Variants in BOD1L1 observed in about 807,000 individuals in gnomAD.
BOD1L1 encodes biorientation of chromosomes in cell division protein 1-like 1.
Under a neutral mutation model 240.7 loss-of-function variants are expected in BOD1L1, and 86 were observed. The observed-to-expected ratio is 0.36, with a 90% CI of 0.30 to 0.43. The LOEUF is 0.43. Ranked by LOEUF, BOD1L1 falls within the 20% of genes least tolerant of loss-of-function variation. BOD1L1 has a pLI of 1.00. For synonymous variants in BOD1L1, 1,268 were observed against 1,272.3 expected, an observed-to-expected ratio of 1.00 and a Z score of 0.07; for missense variants, 3,554 against 3,643.5, an observed-to-expected ratio of 0.98 and a Z score of 0.63.
In BOD1L1 at chr4:13,576,969, T is replaced by C; in HGVS notation, c.8907A>G (p.Lys2969=). 6.2e-7 allele frequency: 1 copy of C among 1,613,804 alleles called. No homozygotes were observed. Among genetic ancestry groups the C allele is most frequent in the East Asian group, 2.2e-5 (1 of 44,894 alleles). ...DDAESSEPER[K]RQKSVSDPVE... ...CTGGATCAGAAACTGATTTCTGGCG[T>C]TTTCTTTCTGGCTCTGAGGATTCTG... Residue 2969 remains lysine (K), a synonymous_variant, in exon 25 of 26, where the codon AAA becomes AAG. Coordinates refer to ENST00000040738, the MANE Select transcript of BOD1L1 (RefSeq NM_148894.3).
intron 14 of BOD1L1, 51 bp downstream of exon 14, chr4:13,590,335 T>A: frequency 4.9e-6 from 5 of 1,018,094 alleles, no homozygotes; most frequent in Non-Finnish European, 7.2e-6. Context: ...CCACACTCAA[T>A]AAATGTTAAC....
intron 2 of BOD1L1, 26 bp from the exon 3 acceptor site, chr4:13,615,528 AG>A (rs758146092): frequency 1.3e-6 from 2 of 1,560,250 alleles, no homozygotes; most frequent in Admixed American, 3.8e-5. Context: ...ATTTATGGAA[AG>A]GTGAAAAAAT....
intron 8 of BOD1L1, among the ~76,000 whole-genome samples, chr4:13,607,817 T>C (rs1308706860): frequency 6.6e-6 from 1 of 152,208 alleles, no homozygotes; most frequent in East Asian, 1.9e-4. Context: ...TACTATCTTT[T>C]GAGTAAAGAG....
Position 13,602,926 on chromosome 4 carries a change from A to G in BOD1L1, c.3974T>C (p.Leu1325Pro). 1.2e-6 allele frequency: 2 copies of G among 1,613,990 alleles called. No individual in the cohort carries two copies. The highest frequency in any genetic ancestry group is 2.2e-5 in the South Asian group (2 of 91,078). Residue 1325 changes from leucine (L) to proline (P), a missense_variant, in exon 10 of 26, where the codon CTC becomes CCC. Physicochemically the swap from Leu to Pro is moderately conservative, Grantham distance 98. Transcript: ENST00000040738. ...ASTSPADHSA[L>P]PNQSLTVRES... ...CCTAACAGTCAGACTTTGGTTAGGG[A>G]GAGCAGAGTGATCCGCAGGGGAGGT...
intron 17 of BOD1L1, among the ~76,000 whole-genome samples, chr4:13,583,375 C>T (rs1313418229): frequency 1.3e-5 from 2 of 151,972 alleles, no homozygotes; most frequent in East Asian, 1.9e-4. Flanking sequence ...ATTGTAAATC[C>T]TCATTTCTAT....
chr4:13,589,702 A>G (rs1021060473), intron 14 of BOD1L1, among the ~76,000 whole-genome samples: 1 of 152,322 alleles, frequency 6.6e-6, no homozygotes, highest in East Asian at 1.9e-4. Flanking sequence ...AACTGTTAAC[A>G]TTTTTTAAAA....
intron 14 of BOD1L1, among the ~76,000 whole-genome samples, chr4:13,589,285 G>C (rs1337497736): frequency 6.6e-6 from 1 of 152,150 alleles, no homozygotes; most frequent in Admixed American, 6.5e-5. Flanking sequence ...CTATAACTGA[G>C]CAATTCCATA....
Position 13,572,892 on chromosome 4 carries a change from G to A in BOD1L1, c.9039-2764C>T, listed in dbSNP as rs1050013403. On this transcript the variant is annotated intron_variant, in intron 25 of 25. Coordinates refer to ENST00000040738, the MANE Select transcript of BOD1L1 (RefSeq NM_148894.3). ...GGCAATGGTAGCACTGAATACTCCA[G>A]TCCCTGGAACTCTGTAGGAAGTATG... 7.8e-6 allele frequency: 10 copies of A among 1,275,010 alleles called. No individual in the cohort carries two copies. The Admixed American group carries it at 1.2e-4, about 15-fold the overall frequency. 79.0% of individuals were successfully genotyped at this position (1,275,010 alleles called of 1,614,324 possible).
In BOD1L1 at chr4:13,601,323, G is replaced by C. The variant is rs146332136; in HGVS notation, c.5577C>G (p.Gly1859=). 3 of 1,613,820 alleles carry C rather than the reference G, an allele frequency of 1.9e-6. No homozygotes were observed. The Admixed American group carries it at 5.0e-5, about 27-fold the overall frequency. The change falls in exon 10 of 26, where the codon GGC becomes GGG. Residue 1859 remains glycine (G), a synonymous_variant. Coordinates refer to ENST00000040738, the MANE Select transcript of BOD1L1 (RefSeq NM_148894.3). ...CCCCTTCCTCGTCTTCCTCTTTTGC[G>C]CCTGTGCTAGTCACAATGCCTTCAT... ...CDDEGIVTST[G]AKEEDEEGED...
intron 5 of BOD1L1, among the ~76,000 whole-genome samples, chr4:13,612,868 C>A (rs1340322628): frequency 2.0e-5 from 3 of 152,120 alleles, no homozygotes; most frequent in Non-Finnish European, 4.4e-5. Flanking sequence ...CATGCTAGAG[C>A]CTCGGTTAAG....
chr4:13,591,942 A>G lies in BOD1L1; in HGVS notation c.8129T>C (p.Leu2710Ser). The change falls in exon 13 of 26, where the codon TTG becomes TCG. Residue 2710 changes from leucine to serine, a missense_variant. By Grantham distance (145) the Leu-to-Ser change is moderately radical. Around this residue, in one of 2 missense-constraint regions of BOD1L1, gnomAD observed 3,393 missense variants for 3,427.1 expected, o/e 0.99. Coordinates refer to ENST00000040738, the MANE Select transcript of BOD1L1 (RefSeq NM_148894.3). ...ACTTACATTTAGTGATTCATTCACC[A>G]ACAAAGGCTCCCTCTGGAGTTCAGC... ...GIAELQREPL[L>S]VNESLNVENS... 1 of 1,565,772 alleles carries G rather than the reference A, an allele frequency of 6.4e-7. No homozygotes were observed.
intron 1 of BOD1L1, 45 bp from the exon 2 acceptor site, chr4:13,620,112 T>A (rs192693681): frequency 6.5e-7 from 1 of 1,529,310 alleles, no homozygotes; most frequent in African/African-American, 1.4e-5. Context: ...TTATACAGTA[T>A]CAATATTCAC....
At chr4:13,592,904 A>G (rs13117523) in intron 12 of BOD1L1, 83,214 of 152,152 alleles carry the variant, frequency 0.55, 26,482 homozygotes, top group East Asian at 0.96. Flanking sequence ...TTTGCCTTGT[A>G]CACTTAATGC....
Position 13,603,089 on chromosome 4 carries a change from T to A in BOD1L1, c.3811A>T (p.Thr1271Ser). The A allele has an allele frequency of 3.1e-6, 5 of 1,613,800 alleles. No homozygotes were observed. Among genetic ancestry groups the A allele is most frequent in the Non-Finnish European group, 4.2e-6 (5 of 1,179,856 alleles). The change falls in exon 10 of 26, where the codon ACT (threonine) becomes TCT (serine). Residue 1271 changes from threonine (T) to serine (S), a missense_variant. Physicochemically the swap from Thr to Ser is moderately conservative, Grantham distance 58. Coordinates refer to ENST00000040738, the MANE Select transcript of BOD1L1 (RefSeq NM_148894.3). ...AEEHVAQGDA[T>S]LEHSTNLDSS... Reference sequence around the variant, plus strand: ...TCTAAATTTGTGGAATGTTCAAGAGTGGCATCTCCTTGAGCAACATGTTCT... The same window carrying A: ...TCTAAATTTGTGGAATGTTCAAGAGAGGCATCTCCTTGAGCAACATGTTCT...
At chr4:13,615,174 G>A in intron 3 of BOD1L1, 138 bp downstream of exon 3, 1 of 868,458 alleles carries the variant, frequency 1.2e-6, no homozygotes, top group Non-Finnish European at 1.7e-6. Context: ...GGCAATTGAG[G>A]AATTTAGGTG....
Position 13,582,663 on chromosome 4 carries a change from A to G in BOD1L1, c.8507T>C (p.Met2836Thr), listed in dbSNP as rs1175230961. The change falls in exon 18 of 26, where the codon ATG becomes ACG. Residue 2836 changes from methionine to threonine, a missense_variant. Met to Thr is a moderately conservative substitution (Grantham distance 81). This residue lies in a region of BOD1L1 where 3,393 missense variants were observed against 3,427.1 expected (regional missense o/e 0.99). Transcript: ENST00000040738. The stretch of plus-strand genomic sequence containing the variant: ...GATATTTTACTCACCTTTTTCTTCC[A>G]TGACCCTTGAGGTAGTGCTATTTGT... ...SETNSTTSRVMEEKDEYSSSE... is the reference protein window; with the variant it reads ...SETNSTTSRVTEEKDEYSSSE... 2 of 1,611,326 alleles carry G rather than the reference A, an allele frequency of 1.2e-6. No homozygotes were observed. The highest frequency in any genetic ancestry group is 1.1e-5 in the South Asian group (1 of 90,954).
At chr4:13,586,256 T>C (rs1220248658) in intron 17 of BOD1L1, 140 bp downstream of exon 17, 1 of 449,206 alleles carries the variant, frequency 2.2e-6, no homozygotes, top group Non-Finnish European at 4.0e-6. Flanking sequence ...TAGACACCTT[T>C]TATAATAAAG....
chr4:13,619,880 G>A, intron 2 of BOD1L1, 63 bp downstream of exon 2: 9 of 1,557,612 alleles, frequency 5.8e-6, no homozygotes, highest in South Asian at 1.2e-5. Context: ...TAATGCCTCC[G>A]CTTTCAGGCA....
rs1715262199 is a variant in BOD1L1, at chr4:13,602,336, C to T, written c.4564G>A (p.Glu1522Lys). The change falls in exon 10 of 26, where the codon GAA becomes AAA. Residue 1522 changes from glutamate (E) to lysine (K), a missense_variant. This residue lies in a region of BOD1L1 where 3,393 missense variants were observed against 3,427.1 expected (regional missense o/e 0.99). Transcript: ENST00000040738. The stretch of plus-strand genomic sequence containing the variant: ...AAGGTGACATCTTTGTCCTTCCCTT[C>T]AGTACTAGTGGCAACAGAAGTCTTT... ...AEKTSVATSTEGKDKDVTLSP... is the reference protein window; with the variant it reads ...AEKTSVATSTKGKDKDVTLSP... 6.2e-7 allele frequency: 1 copy of T among 1,613,976 alleles called. No homozygotes were observed. The highest frequency in any genetic ancestry group is 1.7e-5 in the Admixed American group (1 of 60,030).
Sources: allele counts gnomAD v4.1 joint callset (sites outside exome capture counted in the v4.1 genomes callset), GRCh38; gene constraint gnomAD v4.1.1; regional missense constraint gnomAD v4.1.1; transcripts MANE v1.5; gene names NCBI Gene and HGNC (gene_info 2026-07-23, HGNC 2026-07-21).